PPME1: variants seen among roughly 807,000 people sequenced by gnomAD.
PPME1 encodes the protein protein phosphatase methylesterase 1.
A neutral mutation model predicts 56.9 loss-of-function variants in PPME1; 17 were observed. The ratio of observed to expected loss-of-function variants is 0.30; its 90% CI spans 0.20 to 0.45. The LOEUF (loss-of-function observed/expected upper bound fraction) is 0.45, where lower values mean the gene tolerates loss of function less well. Ranked by LOEUF, PPME1 falls within the 20% of genes least tolerant of loss-of-function variation. The probability of loss-of-function intolerance (pLI) is 1.00; values close to 1 mark genes in which losing one functional copy is unlikely to be tolerated. For missense variants in PPME1, 357 were observed against 483.2 expected (o/e 0.74, Z 2.45); for synonymous variants, 122 against 156.2 (o/e 0.78, Z 1.63).
intron 5 of PPME1, among the ~76,000 whole-genome samples, chr11:74,226,648 A>G (rs936212745): frequency 1.3e-5 from 2 of 151,702 alleles, no homozygotes; most frequent in Non-Finnish European, 2.9e-5. Flanking sequence ...CCAGGCAGTC[A>G]GACAAATTGA....
At chr11:74,238,679 T>C (rs1486547182) in intron 8 of PPME1, 1 of 152,410 alleles carries the variant, frequency 6.6e-6, no homozygotes, top group Non-Finnish European at 1.5e-5. Context: ...GTGAGGCCTT[T>C]TATCATTCTG....
At chr11:74,181,327 C>T (rs935244501) in intron 1 of PPME1, among the ~76,000 whole-genome samples, 4 of 152,080 alleles carry the variant, frequency 2.6e-5, no homozygotes, top group African/African-American at 9.7e-5. Flanking sequence ...GGATTACAGG[C>T]GTGAGCCACC....
At chr11:74,212,686 G>A (rs2135635969) in intron 3 of PPME1, among the ~76,000 whole-genome samples, 1 of 152,194 alleles carries the variant, frequency 6.6e-6, no homozygotes, top group East Asian at 1.9e-4. Flanking sequence ...TAAGGCACCA[G>A]GCAGAGTACC....
chr11:74,192,632 A>T (rs915326320), intron 1 of PPME1, among the ~76,000 whole-genome samples: 1 of 152,126 alleles, frequency 6.6e-6, no homozygotes, highest in African/African-American at 2.4e-5. Context: ...GAGGTGTTGG[A>T]TCATGGATGC....
intron 3 of PPME1, among the ~76,000 whole-genome samples, chr11:74,217,541 C>CAAAAAAA (rs61139169): frequency 7.6e-5 from 6 of 79,032 alleles, no homozygotes; most frequent in Admixed American, 4.7e-4. Flanking sequence ...GACTCCGTCT[C>CAAAAAAA]AAAAAAAAAA....
rs142945439 is a variant in PPME1 at position 74,197,713 on chromosome 11, A to G, written c.102-6015A>G. Among the ~76,000 whole-genome samples, 17 of 152,296 alleles carry G rather than the reference A, an allele frequency of 1.1e-4. No homozygotes were observed. The East Asian group carries it at 2.1e-3, about 19-fold the overall frequency. ...AACTGATAAGAATGCAGTATCTCCT[A>G]ATTCCTTTTCTCTTTCTGCTGGAAA... On this transcript the variant is annotated intron_variant, in intron 1 of 13. Coordinates refer to ENST00000328257, the MANE Select transcript of PPME1 (RefSeq NM_016147.3).
intron 9 of PPME1, among the ~76,000 whole-genome samples, chr11:74,242,675 T>C (rs1859392074): frequency 6.6e-6 from 1 of 151,790 alleles, no homozygotes; most frequent in Admixed American, 6.6e-5. Flanking sequence ...GGTCAGGAGA[T>C]TGAGACCATC....
At chr11:74,208,313 GAA>G (rs534209366) in intron 3 of PPME1, among the ~76,000 whole-genome samples, 20 of 110,096 alleles carry the variant, frequency 1.8e-4, no homozygotes, top group Admixed American at 2.9e-4. Context: ...TCTGTCTCAA[GAA>G]AAAAAAAAAA....
chr11:74,183,769 A>G (rs1857601494), intron 1 of PPME1, among the ~76,000 whole-genome samples: 1 of 152,098 alleles, frequency 6.6e-6, no homozygotes, highest in Non-Finnish European at 1.5e-5. Flanking sequence ...TAGCAACAAG[A>G]TTGTGATCTG....
chr11:74,241,323 T>C (rs1490724825), intron 9 of PPME1, among the ~76,000 whole-genome samples: 1 of 152,258 alleles, frequency 6.6e-6, no homozygotes, highest in African/African-American at 2.4e-5. Context: ...AAATACTTCA[T>C]TTCTCTATAT....
intron 1 of PPME1, among the ~76,000 whole-genome samples, chr11:74,187,948 A>G (rs983971611): frequency 2.0e-5 from 3 of 152,158 alleles, no homozygotes; most frequent in Admixed American, 6.5e-5. Flanking sequence ...AGAGAAGGAA[A>G]CAGAAGACCA....
rs943919928 is a variant in PPME1 at position 74,231,299 on chromosome 11, C to G, written c.644+297C>G. Among the ~76,000 whole-genome samples, 44 of 152,330 alleles carry G rather than the reference C, an allele frequency of 2.9e-4. 1 individual carries two copies. The highest frequency in any genetic ancestry group is 8.4e-4 in the African/African-American group (35 of 41,582). ...CTTCAAGTAATCCTCCTGCTTTAGCCTGGCCTCAAGTAATCAAGTAATCAA... is the reference window on the plus strand; with the variant it reads ...CTTCAAGTAATCCTCCTGCTTTAGCGTGGCCTCAAGTAATCAAGTAATCAA... On this transcript the variant is annotated intron_variant, in intron 7 of 13. Coordinates refer to ENST00000328257, the MANE Select transcript of PPME1 (RefSeq NM_016147.3).
At chr11:74,234,825 C>T (rs1481967431) in intron 7 of PPME1, among the ~76,000 whole-genome samples, 1 of 152,028 alleles carries the variant, frequency 6.6e-6, no homozygotes, top group Non-Finnish European at 1.5e-5. Context: ...ATGGAGTATG[C>T]TTGTGACATC....
chr11:74,183,008 A>G (rs1211149020), intron 1 of PPME1, among the ~76,000 whole-genome samples: 1 of 151,612 alleles, frequency 6.6e-6, no homozygotes, highest in East Asian at 1.9e-4. Context: ...AAAAAAAAAA[A>G]AAGTACGGGC....
At chr11:74,190,537 C>T (rs1231883644) in intron 1 of PPME1, among the ~76,000 whole-genome samples, 1 of 152,186 alleles carries the variant, frequency 6.6e-6, no homozygotes, top group South Asian at 2.1e-4. Flanking sequence ...GAACTCCAAG[C>T]CAAAATAAAC....
Position 74,239,185 on chromosome 11 carries a change from A to T in PPME1, c.763A>T (p.Ile255Leu). 3 of 1,613,742 alleles carry T rather than the reference A, an allele frequency of 1.9e-6. No individual in the cohort carries two copies. Among genetic ancestry groups the T allele is most frequent in the Non-Finnish European group, 2.5e-6 (3 of 1,179,758 alleles). ...CTCAAAATCTATAGTGGAAGGAATCATAGAGGAAGAAGAAGAAGATGAGGA... is the reference window on the plus strand; with the variant it reads ...CTCAAAATCTATAGTGGAAGGAATCTTAGAGGAAGAAGAAGAAGATGAGGA... Reference protein sequence around the residue: ...EGSKSIVEGIIEEEEEDEEGS... With the variant: ...EGSKSIVEGILEEEEEDEEGS... Residue 255 changes from isoleucine (I) to leucine (L), a missense_variant, in exon 9 of 14, where the codon ATA becomes TTA. This residue lies in a region of PPME1 where 182 missense variants were observed against 293.8 expected (regional missense o/e 0.62). Transcript: ENST00000328257.
intron 9 of PPME1, among the ~76,000 whole-genome samples, chr11:74,245,041 T>C (rs1393395168): frequency 6.6e-6 from 1 of 152,210 alleles, no homozygotes; most frequent in African/African-American, 2.4e-5. Flanking sequence ...GGCTCTCTAT[T>C]CTATTCCACT....
chr11:74,204,148 T>G (rs199627199), intron 2 of PPME1, among the ~76,000 whole-genome samples: 1 of 126,378 alleles, frequency 7.9e-6, no homozygotes, highest in African/African-American at 4.5e-5. Flanking sequence ...CAAAGGGAAT[T>G]TTTTTTTTTT....
At chr11:74,211,548 G>A (rs990751662) in intron 3 of PPME1, among the ~76,000 whole-genome samples, 2 of 152,068 alleles carry the variant, frequency 1.3e-5, no homozygotes, top group East Asian at 1.9e-4. Context: ...ATTCAGATAC[G>A]ACCTTAAAGC....
Sources: allele counts gnomAD v4.1 joint callset (sites outside exome capture counted in the v4.1 genomes callset), GRCh38; gene constraint gnomAD v4.1.1; regional missense constraint gnomAD v4.1.1; transcripts MANE v1.5; gene names NCBI Gene and HGNC (gene_info 2026-07-23, HGNC 2026-07-21).